The following SPATA16 variants were observed in gnomAD, a reference collection of about 807,000 sequenced individuals.
The protein encoded by SPATA16 is spermatogenesis associated 16, also known as spermatogenesis-associated protein 16.
SPATA16 carries 36 observed loss-of-function variants against 63.3 expected under a neutral mutation model. The ratio of observed to expected loss-of-function variants is 0.57; its 90% confidence interval spans 0.44 to 0.75. The LOEUF (loss-of-function observed/expected upper bound fraction) is 0.75, where lower values mean the gene tolerates loss of function less well. SPATA16 is among the 30% of genes least tolerant of loss of function. SPATA16 has a pLI of 0.00. For synonymous variants in SPATA16, 203 were observed against 216.7 expected (o/e 0.94, Z 0.56); for missense variants, 646 against 679.3 (o/e 0.95, Z 0.54).
intron 4 of SPATA16, among the ~76,000 whole-genome samples, chr3:173,016,101 T>A (rs1295060617): frequency 6.6e-6 from 1 of 152,216 alleles, no homozygotes; most frequent in Non-Finnish European, 1.5e-5. Context: ...TGTGATTTTA[T>A]CAATTTAACC....
intron 2 of SPATA16, among the ~76,000 whole-genome samples, chr3:173,076,650 T>A (rs1238413040): frequency 6.6e-6 from 1 of 152,066 alleles, no homozygotes; most frequent in Admixed American, 6.6e-5. Flanking sequence ...TTGAAAAAGA[T>A]ATTATATTAT....
chr3:172,964,121 A>T (rs938332658), intron 5 of SPATA16, among the ~76,000 whole-genome samples: 1 of 152,114 alleles, frequency 6.6e-6, no homozygotes, highest in African/African-American at 2.4e-5. Flanking sequence ...CATCACTCAC[A>T]CCTACTGGCC....
At chr3:172,983,770 C>T (rs1734377121) in intron 4 of SPATA16, among the ~76,000 whole-genome samples, 1 of 152,060 alleles carries the variant, frequency 6.6e-6, no homozygotes, top group Non-Finnish European at 1.5e-5. Context: ...CACACACACA[C>T]ACACAAAGCA....
intron 3 of SPATA16, among the ~76,000 whole-genome samples, chr3:173,030,717 C>A (rs76712672): frequency 6.6e-6 from 1 of 151,994 alleles, no homozygotes; most frequent in African/African-American, 2.4e-5. Context: ...TCCAGCAATT[C>A]CACTCCTGTG....
chr3:173,129,136 C>T (rs1343193771), intron 1 of SPATA16, among the ~76,000 whole-genome samples: 2 of 152,222 alleles, frequency 1.3e-5, no homozygotes. Flanking sequence ...AAATACAGGG[C>T]TAATTCCTGG....
intron 7 of SPATA16, among the ~76,000 whole-genome samples, chr3:172,925,119 A>G (rs1325484896): frequency 6.6e-6 from 1 of 152,022 alleles, no homozygotes; most frequent in African/African-American, 2.4e-5. Context: ...GGCATTGATG[A>G]CTGCGGTGGG....
chr3:173,069,128 A>G (rs867615763), intron 2 of SPATA16, among the ~76,000 whole-genome samples: 3 of 149,882 alleles, frequency 2.0e-5, no homozygotes, highest in African/African-American at 7.4e-5. Context: ...AAAAAAAAAG[A>G]AAGAAAGAAA....
At chr3:172,960,893 C>CTTTCTTTCTTT (rs1441747138) in intron 5 of SPATA16, among the ~76,000 whole-genome samples, 11 of 147,886 alleles carry the variant, frequency 7.4e-5, no homozygotes, top group East Asian at 1.9e-4. Context: ...TTCTCTCTCT[C>CTTTCTTTCTTT]CTTCCTTCCT....
chr3:173,132,292 A>G (rs1738406538), intron 1 of SPATA16, among the ~76,000 whole-genome samples: 1 of 152,178 alleles, frequency 6.6e-6, no homozygotes, highest in African/African-American at 2.4e-5. Context: ...TAAAATAATG[A>G]AAAATATTAT....
chr3:173,025,721 G>A (rs1735436531), intron 3 of SPATA16, among the ~76,000 whole-genome samples: 1 of 151,826 alleles, frequency 6.6e-6, no homozygotes, highest in South Asian at 2.1e-4. Flanking sequence ...TATACCCTAT[G>A]CGTACGGCTT....
intron 6 of SPATA16, among the ~76,000 whole-genome samples, chr3:172,926,020 T>C (rs1732725610): frequency 6.6e-6 from 1 of 152,088 alleles, no homozygotes; most frequent in South Asian, 2.1e-4. Flanking sequence ...GAGACGGGAT[T>C]TCACCATGTT....
At chr3:172,938,527 C>T (rs917286114) in intron 6 of SPATA16, among the ~76,000 whole-genome samples, 9 of 152,246 alleles carry the variant, frequency 5.9e-5, no homozygotes, top group African/African-American at 1.9e-4. Context: ...AATAATAAAG[C>T]GCCTCTAACA....
intron 2 of SPATA16, among the ~76,000 whole-genome samples, chr3:173,107,960 G>A (rs2108329839): frequency 6.6e-6 from 1 of 152,256 alleles, no homozygotes; most frequent in Middle Eastern, 3.4e-3. Flanking sequence ...ACAATTTAGG[G>A]TTGTGTAAGA....
chr3:172,897,655 C>T (rs1732034545), intron 10 of SPATA16, among the ~76,000 whole-genome samples: 1 of 152,038 alleles, frequency 6.6e-6, no homozygotes, highest in Non-Finnish European at 1.5e-5. Context: ...TTGCTGAACT[C>T]ATTTTTTTGG....
In SPATA16 at chr3:172,913,731, AT is replaced by A; in HGVS notation, c.1516del (p.Met506TrpfsTer21). On this transcript the variant is annotated frameshift_variant, in exon 10 of 11. Coordinates refer to ENST00000351008, the MANE Select transcript of SPATA16 (RefSeq NM_031955.6). LOFTEE classifies it high-confidence loss of function. The stretch of plus-strand genomic sequence containing the variant: ...TTCAAGGGTGTCCATAGCATCTGCC[AT>A]TAGTGACTGCAGCTGTGGCACCAAG... ...QQEAELLQSL[M>X]ADAMDTLEGR... 1 of 1,613,714 alleles carries A rather than the reference AT, an allele frequency of 6.2e-7. No homozygotes were observed. Among genetic ancestry groups the A allele is most frequent in the South Asian group, 1.1e-5 (1 of 91,052 alleles).
At chr3:172,897,381 T>G (rs1183186371) in intron 10 of SPATA16, among the ~76,000 whole-genome samples, 1 of 152,130 alleles carries the variant, frequency 6.6e-6, no homozygotes, top group Non-Finnish European at 1.5e-5. Context: ...TATTTCAAAT[T>G]TGAGAGTTTG....
At chr3:172,936,270 G>T (rs1170250750) in intron 6 of SPATA16, among the ~76,000 whole-genome samples, 1 of 152,186 alleles carries the variant, frequency 6.6e-6, no homozygotes, top group Non-Finnish European at 1.5e-5. Flanking sequence ...AGTAAAGACT[G>T]AGTTAATCAC....
intron 2 of SPATA16, among the ~76,000 whole-genome samples, 193 bp downstream of exon 2, chr3:173,116,927 A>G (rs1274870497): frequency 6.6e-6 from 1 of 152,228 alleles, no homozygotes; most frequent in Non-Finnish European, 1.5e-5. Context: ...AAGTGCACAC[A>G]GGCATATTAA....
At chr3:173,112,986 A>T (rs1163589305) in intron 2 of SPATA16, among the ~76,000 whole-genome samples, 1 of 152,232 alleles carries the variant, frequency 6.6e-6, no homozygotes, top group African/African-American at 2.4e-5. Flanking sequence ...AAAACCTTTG[A>T]TAATTTCTTT....
Sources: allele counts gnomAD v4.1 joint callset (sites outside exome capture counted in the v4.1 genomes callset), GRCh38; gene constraint gnomAD v4.1.1; transcripts MANE v1.5; gene names NCBI Gene and HGNC (gene_info 2026-07-23, HGNC 2026-07-21).